MDFI: variants seen among roughly 807,000 people sequenced by gnomAD.
The protein encoded by MDFI is MyoD family inhibitor.
A neutral mutation model predicts 22.3 loss-of-function variants in MDFI; 16 were observed. The ratio of observed to expected loss-of-function variants is 0.72; its 90% CI spans 0.49 to 1.09. The LOEUF is 1.09. Ranked by LOEUF, MDFI falls within the 50% of genes least tolerant of loss-of-function variation. The pLI, the probability that MDFI is intolerant of heterozygous loss-of-function variation, is 0.00. For missense variants in MDFI, 314 were observed against 326.1 expected (o/e 0.96, Z 0.29); for synonymous variants, 145 against 142.7 (o/e 1.02, Z -0.12).
At chr6:41,648,176 C>T (rs1581839238) in intron 3 of MDFI, among the ~76,000 whole-genome samples, 3 of 152,234 alleles carry the variant, frequency 2.0e-5, no homozygotes, top group Admixed American at 2.0e-4. Flanking sequence ...GCTTGTCTCC[C>T]AGCCTCTGCC....
chr6:41,638,775 C>T lies in MDFI; in HGVS notation c.26C>T (p.Pro9Leu), dbSNP rs760805003. MYQVSGQRPSGCDAPYGAP... is the reference protein window; with the variant it reads MYQVSGQRLSGCDAPYGAP... ...ATGTACCAGGTGAGCGGCCAGCGCC[C>T]CTCTGGCTGCGACGCGCCCTATGGA... is the stretch of plus-strand genomic sequence containing the variant. Residue 9 changes from proline to leucine, a missense_variant, in exon 2 of 5, where the codon CCC (proline) becomes CTC (leucine). Transcript: ENST00000230321. The surrounding 1 kb of genome is among the most constrained non-coding windows in gnomAD (Gnocchi z 7.6). The T allele has an allele frequency of 1.9e-6, 3 of 1,571,210 alleles. No individual in the cohort carries two copies. The highest frequency in any genetic ancestry group is 2.3e-5 in the East Asian group (1 of 43,342).
Position 41,649,875 on chromosome 6 carries a change from G to A in MDFI, c.484+32G>A, listed in dbSNP as rs375945052. The A allele has an allele frequency of 6.3e-6, 10 of 1,593,284 alleles. No homozygotes were observed. In the Admixed American group the frequency reaches 8.5e-5, roughly 14 times the overall value. On this transcript the variant is annotated intron_variant, in intron 4 of 4. Coordinates refer to ENST00000230321, the MANE Select transcript of MDFI (RefSeq NM_005586.4). The stretch of plus-strand genomic sequence containing the variant: ...ACCCATCCCATCTCTCCCTGGGAGA[G>A]GCCTCCAAAGCCGGGTTCCTCGAAG...
chr6:41,638,514 G>A lies in MDFI; in HGVS notation c.-150G>A. 1 of 532,188 alleles carries A rather than the reference G, an allele frequency of 1.9e-6. No individual in the cohort carries two copies. The highest frequency in any genetic ancestry group is 2.3e-5 in the South Asian group (1 of 42,848). 33.0% of individuals were successfully genotyped at this position (532,188 alleles called of 1,614,324 possible). On this transcript the variant is annotated 5_prime_UTR_variant, in exon 1 of 5. Coordinates refer to ENST00000230321, the MANE Select transcript of MDFI (RefSeq NM_005586.4). The surrounding 1 kb of genome is among the most constrained non-coding windows in gnomAD (Gnocchi z 7.6). The stretch of plus-strand genomic sequence containing the variant: ...TGAGCTGGCGCCGAAATGGGAGAAA[G>A]CAGCGAGTGAGAGGGGAAGGGGCGC...
In MDFI at chr6:41,638,644, C is replaced by T. The variant is rs868394868; in HGVS notation, c.-20C>T. The T allele has an allele frequency of 8.6e-5, 112 of 1,300,076 alleles. No homozygotes were observed. In the African/African-American group the frequency reaches 1.4e-3, roughly 16 times the overall value. The allele number at this position is 1,300,076 out of a possible 1,614,324, so 80.5% of individuals were successfully genotyped here. On this transcript the variant is annotated 5_prime_UTR_variant, in exon 1 of 5. Transcript: ENST00000230321. The surrounding 1 kb of genome is among the most constrained non-coding windows in gnomAD (Gnocchi z 7.6). ...CCGGCTGGAAGAGAGCGTAGCACGGCTCGCACGAGTGAGTGGACGTGGGAG... is the reference window on the plus strand; with the variant it reads ...CCGGCTGGAAGAGAGCGTAGCACGGTTCGCACGAGTGAGTGGACGTGGGAG...
At chr6:41,639,310 C>G (rs1050458129) in intron 2 of MDFI, 1 of 985,298 alleles carries the variant, frequency 1.0e-6, no homozygotes, top group African/African-American at 1.7e-5. Flanking sequence ...CAGCCCCTCC[C>G]CTCTTTCTTG....
chr6:41,641,540 T>C (rs1156953949), intron 2 of MDFI, among the ~76,000 whole-genome samples: 2 of 152,060 alleles, frequency 1.3e-5, no homozygotes, highest in African/African-American at 2.4e-5. Context: ...TCCTGGTACA[T>C]TGATAGATTG....
intron 3 of MDFI, among the ~76,000 whole-genome samples, chr6:41,647,820 A>T (rs906301227): frequency 6.6e-6 from 1 of 152,016 alleles, no homozygotes. Flanking sequence ...AGGCGGGCGG[A>T]TCACGAGGTC....
chr6:41,642,315 C>T (rs77094739), intron 2 of MDFI, among the ~76,000 whole-genome samples: 3,227 of 152,300 alleles, frequency 0.021, 106 homozygotes, highest in African/African-American at 0.07. Flanking sequence ...ATTGCACATC[C>T]ACACGGGGGG....
intron 2 of MDFI, among the ~76,000 whole-genome samples, chr6:41,640,398 T>C (rs970891667): frequency 1.3e-5 from 2 of 152,162 alleles, no homozygotes; most frequent in African/African-American, 4.8e-5. Context: ...GGGGCCAGCG[T>C]GGGCAACTGG....
intron 2 of MDFI, 132 bp from the exon 3 acceptor site, chr6:41,645,994 G>T (rs1768036020): frequency 2.5e-6 from 2 of 793,068 alleles, no homozygotes; most frequent in African/African-American, 1.8e-5. Flanking sequence ...CTAGAGTAAG[G>T]GCTGCATAAC....
At chr6:41,647,859 G>A (rs1322164164) in intron 3 of MDFI, among the ~76,000 whole-genome samples, 2 of 151,858 alleles carry the variant, frequency 1.3e-5, no homozygotes, top group African/African-American at 2.4e-5. Flanking sequence ...TGGCTAACAC[G>A]GTGAAACCCC....
At chr6:41,639,705 C>T (rs953866400) in intron 2 of MDFI, 6 of 985,340 alleles carry the variant, frequency 6.1e-6, no homozygotes, top group Admixed American at 1.2e-4. Context: ...GGAATCTCCA[C>T]TGTCTAAGTC....
Position 41,653,345 on chromosome 6 carries a change from T to A in MDFI, c.511T>A (p.Cys171Ser). Reference sequence around the variant, plus strand: ...CTGCTGTGTCCACTGCATCCTGTCCTGCCTGTTCTGCGAGTTCCTGACGCT... The same window carrying A: ...CTGCTGTGTCCACTGCATCCTGTCCAGCCTGTTCTGCGAGTTCCTGACGCT... ...EDCCVHCILS[C>S]LFCEFLTLCN... The change falls in exon 5 of 5, where the codon TGC becomes AGC. Residue 171 changes from cysteine (C) to serine (S), a missense_variant. Physicochemically the swap from Cys to Ser is moderately radical, Grantham distance 112. Transcript: ENST00000230321. This position sits in a 1 kb window ranked among gnomAD's most constrained non-coding sequence, Gnocchi z 4.2. 1.2e-6 allele frequency: 2 copies of A among 1,612,878 alleles called. No homozygotes were observed. Among genetic ancestry groups the A allele is most frequent in the Non-Finnish European group, 1.7e-6 (2 of 1,179,978 alleles).
At chr6:41,639,080 A>G (rs1767747465) in intron 2 of MDFI, among the ~76,000 whole-genome samples, 1 of 136,556 alleles carries the variant, frequency 7.3e-6, no homozygotes, top group Non-Finnish European at 1.5e-5. Flanking sequence ...GACACCAGAC[A>G]CACACACACA....
intron 3 of MDFI, among the ~76,000 whole-genome samples, chr6:41,649,077 G>A (rs1768162090): frequency 6.6e-6 from 1 of 152,358 alleles, no homozygotes; most frequent in South Asian, 2.1e-4. Context: ...GGAGCAGGAG[G>A]TAGAGGGGCT....
At position 41,653,472 on chromosome 6, in the gene MDFI, A is replaced by G. The variant is rs201503063; in HGVS notation, c.638A>G (p.Asp213Gly). Residue 213 changes from aspartate (D) to glycine (G), a missense_variant, in exon 5 of 5, where the codon GAC (aspartate) becomes GGC (glycine). Physicochemically the swap from Asp to Gly is moderately conservative, Grantham distance 94 (BLOSUM62 -1). Coordinates refer to ENST00000230321, the MANE Select transcript of MDFI (RefSeq NM_005586.4). This position sits in a 1 kb window ranked among gnomAD's most constrained non-coding sequence, Gnocchi z 4.2. ...CCGSGECADCDLPCDLDCGIL... is the reference protein window; with the variant it reads ...CCGSGECADCGLPCDLDCGIL... ...GGCTCTGGCGAGTGTGCCGACTGCG[A>G]CCTGCCCTGCGACCTGGACTGCGGC... 49 of 1,603,834 alleles carry G rather than the reference A, an allele frequency of 3.1e-5. No homozygotes were observed. The East Asian group carries it at 8.2e-4, about 27-fold the overall frequency.
chr6:41,639,255 A>G, intron 2 of MDFI: 1 of 985,354 alleles, frequency 1.0e-6, no homozygotes, highest in Non-Finnish European at 1.2e-6. Context: ...ACCAGAGCCC[A>G]GCGCTTCCCG....
chr6:41,650,823 C>T (rs1272331458), intron 4 of MDFI, among the ~76,000 whole-genome samples: 1 of 152,062 alleles, frequency 6.6e-6, no homozygotes, highest in Non-Finnish European at 1.5e-5. Flanking sequence ...ATCCACCCGC[C>T]TCGGCCTCCC....
rs757524650 is a variant in MDFI, at chr6:41,649,859, A to G, written c.484+16A>G. 2 of 1,609,136 alleles carry G rather than the reference A, an allele frequency of 1.2e-6. No individual in the cohort carries two copies. Among genetic ancestry groups the G allele is most frequent in the Non-Finnish European group, 1.7e-6 (2 of 1,177,232 alleles). On this transcript the variant is annotated intron_variant, in intron 4 of 4. Coordinates refer to ENST00000230321, the MANE Select transcript of MDFI (RefSeq NM_005586.4). ...GCACAGGAAGGTAAGCACCCATCCC[A>G]TCTCTCCCTGGGAGAGGCCTCCAAA...
Sources: allele counts gnomAD v4.1 joint callset (sites outside exome capture counted in the v4.1 genomes callset), GRCh38; gene constraint gnomAD v4.1.1; non-coding constraint Gnocchi (gnomAD v3.1); transcripts MANE v1.5; gene names NCBI Gene and HGNC (gene_info 2026-07-23, HGNC 2026-07-21).